The following MSRA variants were observed in gnomAD, a reference collection of about 807,000 sequenced individuals.
MSRA encodes methionine sulfoxide reductase A.
Under a neutral mutation model 31.3 loss-of-function variants are expected in MSRA, and 54 were observed. The ratio of observed to expected loss-of-function variants is 1.73; its 90% CI spans 1.39 to 2.17. The LOEUF is 2.17. Among genes scored for constraint, MSRA ranks in the 30% most tolerant of loss-of-function variants. The probability of loss-of-function intolerance (pLI) is 0.00; values close to 1 mark genes in which losing one functional copy is unlikely to be tolerated. For missense variants in MSRA, 507 were observed against 300.9 expected (o/e 1.69, Z -5.07); for synonymous variants, 169 against 116.5 (o/e 1.45, Z -2.90).
At chr8:10,375,399 A>AC (rs752177790) in intron 5 of MSRA, among the ~76,000 whole-genome samples, 4 of 152,206 alleles carry the variant, frequency 2.6e-5, no homozygotes, top group South Asian at 2.1e-4. Context: ...CGGAGGCATG[A>AC]CCACAATTTT....
At chr8:10,092,081 C>CT (rs2128928032) in intron 1 of MSRA, among the ~76,000 whole-genome samples, 1 of 100,134 alleles carries the variant, frequency 1.0e-5, no homozygotes, top group South Asian at 2.9e-4. Context: ...GTTAAAGGGT[C>CT]TGTAGTACTC....
At chr8:10,259,460 G>C (rs1367775048) in intron 3 of MSRA, among the ~76,000 whole-genome samples, 2 of 152,172 alleles carry the variant, frequency 1.3e-5, no homozygotes, top group East Asian at 3.9e-4. Flanking sequence ...TCCTGGTGAA[G>C]CAGGTGTGTA....
chr8:10,106,086 C>T (rs1028828699), intron 1 of MSRA, among the ~76,000 whole-genome samples: 14 of 152,322 alleles, frequency 9.2e-5, no homozygotes, highest in African/African-American at 1.9e-4. Context: ...GGCACCACTG[C>T]GTGTCTGCTG....
At chr8:10,380,245 A>G (rs973780518) in intron 5 of MSRA, among the ~76,000 whole-genome samples, 12 of 151,846 alleles carry the variant, frequency 7.9e-5, no homozygotes, top group African/African-American at 1.5e-4. Flanking sequence ...ATCTCTCTGG[A>G]TGATTCCTAC....
intron 3 of MSRA, among the ~76,000 whole-genome samples, chr8:10,257,564 G>A (rs997739884): frequency 7.2e-5 from 11 of 151,998 alleles, no homozygotes; most frequent in Non-Finnish European, 1.3e-4. Flanking sequence ...GCACCACCGC[G>A]CCCAAGTAGT....
At chr8:10,113,289 C>CTTTTTTTTTTTTTTTTTT (rs1467440154) in intron 1 of MSRA, among the ~76,000 whole-genome samples, 674 of 50,820 alleles carry the variant, frequency 0.013, 24 homozygotes, top group Admixed American at 0.018. Flanking sequence ...GAAGACAGGT[C>CTTTTTTTTTTTTTTTTTT]TTCTTTTTTT....
At position 10,311,533 on chromosome 8, in the gene MSRA, A is replaced by G. The variant is rs535164326; in HGVS notation, c.437-8350A>G. On this transcript the variant is annotated intron_variant, in intron 4 of 5. Coordinates refer to ENST00000317173, the MANE Select transcript of MSRA (RefSeq NM_012331.5). ...TATTCCAGGCCATAAAAGGCTCAGTATGTTTCAAAGGGATTAAAATCATGT... is the reference window on the plus strand; with the variant it reads ...TATTCCAGGCCATAAAAGGCTCAGTGTGTTTCAAAGGGATTAAAATCATGT... Among the ~76,000 whole-genome samples the G allele has an allele frequency of 2.6e-5, 4 of 152,288 alleles. No homozygotes were observed. In the South Asian group the frequency reaches 8.3e-4, roughly 32 times the overall value.
chr8:10,129,496 C>T (rs1267915866), intron 1 of MSRA, among the ~76,000 whole-genome samples: 3 of 152,124 alleles, frequency 2.0e-5, no homozygotes, highest in African/African-American at 4.8e-5. Flanking sequence ...GACACCTGTT[C>T]TCTTGCCCTG....
At chr8:10,287,308 C>G (rs770984613) in intron 3 of MSRA, among the ~76,000 whole-genome samples, 1 of 152,148 alleles carries the variant, frequency 6.6e-6, no homozygotes, top group Non-Finnish European at 1.5e-5. Context: ...ATAATTTGGC[C>G]TCATTGAGGC....
intron 1 of MSRA, among the ~76,000 whole-genome samples, chr8:10,080,211 G>A (rs1798223764): frequency 6.6e-6 from 1 of 152,076 alleles, no homozygotes; most frequent in Non-Finnish European, 1.5e-5. Context: ...TCTAGGGGAA[G>A]TTACTCTGGC....
At chr8:10,408,701 T>C (rs1807970488) in intron 5 of MSRA, among the ~76,000 whole-genome samples, 1 of 152,206 alleles carries the variant, frequency 6.6e-6, no homozygotes, top group Non-Finnish European at 1.5e-5. Flanking sequence ...TAATGTACCT[T>C]GTACCCATTA....
chr8:10,114,698 G>C (rs1334037777), intron 1 of MSRA, among the ~76,000 whole-genome samples: 1 of 152,126 alleles, frequency 6.6e-6, no homozygotes, highest in African/African-American at 2.4e-5. Flanking sequence ...GTCAGGGATT[G>C]AATTAAAGAA....
At chr8:10,324,535 T>A (rs1802252473) in intron 5 of MSRA, among the ~76,000 whole-genome samples, 1 of 152,148 alleles carries the variant, frequency 6.6e-6, no homozygotes, top group African/African-American at 2.4e-5. Context: ...AGGGTCAAGT[T>A]TTTTCCTTTT....
At chr8:10,211,475 G>A (rs897563341) in intron 2 of MSRA, among the ~76,000 whole-genome samples, 8 of 152,136 alleles carry the variant, frequency 5.3e-5, no homozygotes, top group African/African-American at 1.9e-4. Context: ...TCCTACCTGT[G>A]TGTGATGCTG....
At chr8:10,417,831 T>C (rs1808575049) in intron 5 of MSRA, among the ~76,000 whole-genome samples, 1 of 145,578 alleles carries the variant, frequency 6.9e-6, no homozygotes, top group South Asian at 2.1e-4. Flanking sequence ...TGGAATTTGA[T>C]GGAGTGGATG....
chr8:10,164,681 C>G (rs1416461157), intron 1 of MSRA, among the ~76,000 whole-genome samples: 2 of 152,158 alleles, frequency 1.3e-5, no homozygotes, highest in African/African-American at 4.8e-5. Context: ...CGTAGAAGGA[C>G]TTTAAAAAAT....
rs1278222615 is a variant in MSRA at position 10,063,001 on chromosome 8, C to T, written c.142+8343C>T. Among the ~76,000 whole-genome samples the T allele has an allele frequency of 3.9e-5, 6 of 152,188 alleles. No homozygotes were observed. In the South Asian group the frequency reaches 1.2e-3, roughly 31 times the overall value. On this transcript the variant is annotated intron_variant, in intron 1 of 5. Coordinates refer to ENST00000317173, the MANE Select transcript of MSRA (RefSeq NM_012331.5). ...CTTTCTTCTCTCACGCTTCCAACCACCCTCGTCTGAAAGCTACATTTCACC... is the reference window on the plus strand; with the variant it reads ...CTTTCTTCTCTCACGCTTCCAACCATCCTCGTCTGAAAGCTACATTTCACC...
At chr8:10,409,315 G>A (rs765159587) in intron 5 of MSRA, among the ~76,000 whole-genome samples, 18 of 152,196 alleles carry the variant, frequency 1.2e-4, no homozygotes, top group Non-Finnish European at 1.8e-4. Flanking sequence ...TTTCTCCGAT[G>A]ACTAGTGATG....
rs559271105 is a variant in MSRA at position 10,083,233 on chromosome 8, A to G, written c.142+28575A>G. Among the ~76,000 whole-genome samples the G allele has an allele frequency of 4.6e-5, 7 of 152,344 alleles. 1 individual carries two copies. The highest frequency in any genetic ancestry group is 1.7e-4 in the African/African-American group (7 of 41,580). On this transcript the variant is annotated intron_variant, in intron 1 of 5. Transcript: ENST00000317173. Reference sequence around the variant, plus strand: ...TTTGATCTTAACATCAGCAGATGACAATCTAGTTTTAACAAGTTACTTTGA... The same window carrying G: ...TTTGATCTTAACATCAGCAGATGACGATCTAGTTTTAACAAGTTACTTTGA...
Sources: gnomAD v4.1 joint callset for allele counts (sites outside exome capture counted in the v4.1 genomes callset) on GRCh38, gnomAD v4.1.1 for gene constraint, MANE v1.5 for transcripts, NCBI Gene and HGNC (gene_info 2026-07-23, HGNC 2026-07-21) for gene names.